BAZ1A: variants seen among roughly 807,000 people sequenced by gnomAD.
BAZ1A encodes the protein bromodomain adjacent to zinc finger domain 1A.
A neutral mutation model predicts 185.2 loss-of-function variants in BAZ1A; 50 were observed. The observed-to-expected ratio is 0.27, with a 90% CI of 0.22 to 0.34. The LOEUF (loss-of-function observed/expected upper bound fraction) is 0.34. Among genes scored for constraint, BAZ1A ranks in the 10% least tolerant of loss-of-function variants. The probability of loss-of-function intolerance (pLI) is 1.00; values close to 1 mark genes in which losing one functional copy is unlikely to be tolerated. For synonymous variants in BAZ1A, 571 were observed against 615.6 expected (o/e 0.93, Z 1.07); for missense variants, 1,356 against 1,839.9 (o/e 0.74, Z 4.81).
At chr14:34,870,184 G>A (rs1312734030) in intron 2 of BAZ1A, among the ~76,000 whole-genome samples, 2 of 152,176 alleles carry the variant, frequency 1.3e-5, no homozygotes, top group Admixed American at 6.5e-5. Flanking sequence ...AAGAAAAAAT[G>A]TATTTAAAAC....
intron 2 of BAZ1A, among the ~76,000 whole-genome samples, chr14:34,870,948 G>A (rs1594922451): frequency 2.6e-5 from 4 of 152,294 alleles, no homozygotes; most frequent in African/African-American, 9.6e-5. Context: ...AAAAGCCAGT[G>A]TGAAACATAA....
intron 3 of BAZ1A, among the ~76,000 whole-genome samples, chr14:34,849,575 A>G (rs1299851628): frequency 1.3e-5 from 2 of 152,176 alleles, no homozygotes; most frequent in Admixed American, 6.6e-5. Flanking sequence ...TTTACTTCTG[A>G]TGAGTGGAGC....
At chr14:34,755,004 A>G (rs1886177996) in intron 25 of BAZ1A, 90 bp from the exon 26 acceptor site, 1 of 833,442 alleles carries the variant, frequency 1.2e-6, no homozygotes, top group Admixed American at 2.7e-5. Flanking sequence ...CTAAAAAGCA[A>G]CTCAATATGC....
rs1185104362 is a variant in BAZ1A at position 34,753,566 on chromosome 14, G to A, written c.4613C>T (p.Thr1538Ile). ...IQAQKLGLHV[T>I]PSNVDQVSTP... ...GCTAACTTGGTCCACATTACTGGGT[G>A]TGACGTGGAGTCCAAGCTTTTGAGC... The change falls in exon 27 of 27, where the codon ACA becomes ATA. Residue 1538 changes from threonine (T) to isoleucine (I), a missense_variant. By Grantham distance (89) the Thr-to-Ile change is moderately conservative (BLOSUM62 -1). Coordinates refer to ENST00000360310, the MANE Select transcript of BAZ1A (RefSeq NM_013448.3). 6 of 1,614,116 alleles carry A rather than the reference G, an allele frequency of 3.7e-6. No individual in the cohort carries two copies. The South Asian group carries it at 5.5e-5, about 15-fold the overall frequency.
intron 2 of BAZ1A, among the ~76,000 whole-genome samples, chr14:34,866,762 A>C (rs886798159): frequency 6.6e-6 from 1 of 152,096 alleles, no homozygotes; most frequent in Non-Finnish European, 1.5e-5. Flanking sequence ...TTATACTTCA[A>C]ATCTAAACAT....
At chr14:34,843,731 A>G (rs1026951564) in intron 3 of BAZ1A, among the ~76,000 whole-genome samples, 2 of 152,166 alleles carry the variant, frequency 1.3e-5, no homozygotes, top group African/African-American at 2.4e-5. Flanking sequence ...AAAACTAGCA[A>G]GTCAGTTTGG....
chr14:34,830,767 T>A (rs1031017291), intron 3 of BAZ1A, among the ~76,000 whole-genome samples: 1 of 146,866 alleles, frequency 6.8e-6, no homozygotes, highest in East Asian at 2.0e-4. Context: ...TCTCTACAAC[T>A]CCTTTTTTTT....
At chr14:34,842,400 G>A (rs571950801) in intron 3 of BAZ1A, among the ~76,000 whole-genome samples, 1 of 152,184 alleles carries the variant, frequency 6.6e-6, no homozygotes, top group African/African-American at 2.4e-5. Context: ...TGCAGAGTAC[G>A]CAAGTAAAAT....
rs548892704 is a variant in BAZ1A at position 34,771,102 on chromosome 14, T to C, written c.3301+409A>G. ...TTGTAACCTCAAATTCCTGGGCTCATGTGATCCTCCCACCCCAGCCTCTGG... is the reference window on the plus strand; with the variant it reads ...TTGTAACCTCAAATTCCTGGGCTCACGTGATCCTCCCACCCCAGCCTCTGG... On this transcript the variant is annotated intron_variant, in intron 21 of 26. Transcript: ENST00000360310. The C allele has an allele frequency of 1.1e-3, 188 of 164,052 alleles. 2 individuals carry two copies. Among genetic ancestry groups the C allele is most frequent in the African/African-American group, 4.3e-3 (181 of 41,652 alleles). The allele number at this position is 164,052 out of a possible 1,614,324, so 10.2% of individuals were successfully genotyped here. A position where few individuals can be genotyped will look rare whatever the true frequency, so the allele number is the denominator to read the frequency against.
Position 34,786,222 on chromosome 14 carries a change from C to G in BAZ1A, c.1511-1G>C, listed in dbSNP as rs1245036409. 6.2e-7 allele frequency: 1 copy of G among 1,608,408 alleles called. No homozygotes were observed. Among genetic ancestry groups the G allele is most frequent in the Non-Finnish European group, 8.5e-7 (1 of 1,177,836 alleles). On this transcript the variant is annotated splice_acceptor_variant, in intron 12 of 26. Transcript: ENST00000360310. LOFTEE classifies it high-confidence loss of function. Reference sequence around the variant, plus strand: ...TCTTCATCCAAAGCCTCTGTTAAATCTTTAAGGAAATAAATACTTTATTCT... The same window carrying G: ...TCTTCATCCAAAGCCTCTGTTAAATGTTTAAGGAAATAAATACTTTATTCT...
Position 34,756,466 on chromosome 14 carries a change from ATTTTTTTTT to A in BAZ1A, c.4387-1561_4387-1553del, listed in dbSNP as rs1158606061. On this transcript the variant is annotated intron_variant, in intron 25 of 26. Coordinates refer to ENST00000360310, the MANE Select transcript of BAZ1A (RefSeq NM_013448.3). ...CACACTGCACCCAGCCAGAATACCT[ATTTTTTTTT>A]TTTTTTTTTTTTTTTTGAGACAGAG... is the stretch of plus-strand genomic sequence containing the variant. 1.5e-3 allele frequency among the ~76,000 whole-genome samples: 122 copies of A among 79,024 alleles called. 1 individual carries two copies. The highest frequency in any genetic ancestry group is 6.2e-3 in the African/African-American group (112 of 18,180). 51.8% of individuals were successfully genotyped at this position (79,024 alleles called of 152,430 possible).
chr14:34,773,072 G>GC (rs1399055016), intron 20 of BAZ1A, among the ~76,000 whole-genome samples: 3 of 151,808 alleles, frequency 2.0e-5, no homozygotes, highest in African/African-American at 7.3e-5. Flanking sequence ...ATGCCACCAT[G>GC]CCCAGATAAT....
chr14:34,829,747 C>G (rs1317137701), intron 3 of BAZ1A, among the ~76,000 whole-genome samples: 1 of 152,150 alleles, frequency 6.6e-6, no homozygotes, highest in Non-Finnish European at 1.5e-5. Context: ...AAAATTCCAC[C>G]TCTATTTTTA....
chr14:34,842,523 C>T (rs532403347), intron 3 of BAZ1A, among the ~76,000 whole-genome samples: 11 of 152,148 alleles, frequency 7.2e-5, no homozygotes, highest in Non-Finnish European at 1.3e-4. Context: ...TGCTGACTTT[C>T]AAACCCTCAA....
chr14:34,806,498 G>A (rs7147621), intron 6 of BAZ1A, among the ~76,000 whole-genome samples: 41,848 of 151,972 alleles, frequency 0.28, 6,091 homozygotes, highest in Admixed American at 0.37. Flanking sequence ...TCCCACCTCA[G>A]CCTTCGGAGT....
chr14:34,855,064 G>A (rs987362847), intron 3 of BAZ1A, among the ~76,000 whole-genome samples: 8 of 152,132 alleles, frequency 5.3e-5, no homozygotes, highest in Non-Finnish European at 7.3e-5. Flanking sequence ...GGGCGACAGA[G>A]TGTAACTACG....
chr14:34,839,915 T>TAA (rs10695361), intron 3 of BAZ1A, among the ~76,000 whole-genome samples: 85,897 of 149,962 alleles, frequency 0.57, 24,899 homozygotes, highest in South Asian at 0.67. Flanking sequence ...AAAGAACAAT[T>TAA]AAAAATTTTT....
intron 3 of BAZ1A, chr14:34,845,213 T>C (rs1468650575): frequency 6.6e-6 from 1 of 152,050 alleles, no homozygotes; most frequent in African/African-American, 2.4e-5. Flanking sequence ...CTTTTACTAC[T>C]CTTTTCATTT....
At position 34,827,350 on chromosome 14, in the gene BAZ1A, C is replaced by T. The variant is rs574250438; in HGVS notation, c.393-1194G>A. On this transcript the variant is annotated intron_variant, in intron 3 of 26. Transcript: ENST00000360310. Reference sequence around the variant, plus strand: ...TTAACTTCTGCCGGGTTGTTCCATCCATTATGGAAGATGGAGTACTGAAGT... The same window carrying T: ...TTAACTTCTGCCGGGTTGTTCCATCTATTATGGAAGATGGAGTACTGAAGT... 3.3e-5 allele frequency among the ~76,000 whole-genome samples: 5 copies of T among 152,244 alleles called. No homozygotes were observed. In the East Asian group the frequency reaches 7.7e-4, roughly 24 times the overall value.
Sources: allele counts gnomAD v4.1 joint callset (sites outside exome capture counted in the v4.1 genomes callset), GRCh38; gene constraint gnomAD v4.1.1; transcripts MANE v1.5; gene names NCBI Gene and HGNC (gene_info 2026-07-23, HGNC 2026-07-21).